The following LSAMP variants were observed in gnomAD, a reference collection of about 807,000 sequenced individuals.
The protein encoded by LSAMP is limbic system associated membrane protein.
A neutral mutation model predicts 38.6 loss-of-function variants in LSAMP; 7 were observed. The observed-to-expected ratio is 0.18, with a 90% CI of 0.10 to 0.34. LSAMP has a LOEUF of 0.34. LSAMP is among the 10% of genes least tolerant of loss of function. The pLI, the probability that LSAMP is intolerant of heterozygous loss-of-function variation, is 1.00. For synonymous variants in LSAMP, 154 were observed against 166.8 expected (o/e 0.92, Z 0.59); for missense variants, 313 against 420.0 (o/e 0.75, Z 2.23).
At chr3:116,318,754 TTAAG>T (rs1279776850) in intron 1 of LSAMP, among the ~76,000 whole-genome samples, 1 of 152,182 alleles carries the variant, frequency 6.6e-6, no homozygotes, top group African/African-American at 2.4e-5. Context: ...CAAGGCCTCT[TTAAG>T]TATTTTCTCT....
chr3:116,311,676 A>G (rs1483723551), intron 1 of LSAMP, among the ~76,000 whole-genome samples: 1 of 152,194 alleles, frequency 6.6e-6, no homozygotes, highest in Admixed American at 6.5e-5. Context: ...GAAATTATAA[A>G]ACTTTTGAGA....
At chr3:116,289,977 C>T (rs1383487270) in intron 1 of LSAMP, among the ~76,000 whole-genome samples, 1 of 152,148 alleles carries the variant, frequency 6.6e-6, no homozygotes, top group Non-Finnish European at 1.5e-5. Context: ...TGGATTTCCT[C>T]TATTTTCTCT....
intron 6 of LSAMP, among the ~76,000 whole-genome samples, chr3:115,836,831 A>T (rs1426944020): frequency 6.6e-6 from 1 of 152,100 alleles, no homozygotes; most frequent in Non-Finnish European, 1.5e-5. Context: ...GACCCAGGTT[A>T]GAGTGCAGTG....
intron 3 of LSAMP, among the ~76,000 whole-genome samples, chr3:115,968,601 T>C (rs75099126): frequency 0.022 from 3,285 of 152,224 alleles, 75 homozygotes; most frequent in African/African-American, 0.062. Context: ...TCTTCCCTCT[T>C]CTCTCCTCAA....
intron 2 of LSAMP, among the ~76,000 whole-genome samples, chr3:116,062,797 G>A (rs1941621222): frequency 6.6e-6 from 1 of 152,108 alleles, no homozygotes; most frequent in Admixed American, 6.5e-5. Context: ...TTTACTCACA[G>A]AGCCCAACTC....
At chr3:115,857,342 T>C (rs2107529589) in intron 3 of LSAMP, among the ~76,000 whole-genome samples, 1 of 152,324 alleles carries the variant, frequency 6.6e-6, no homozygotes, top group Admixed American at 6.5e-5. Flanking sequence ...CAGTTCTCTC[T>C]GACTGGCTGC....
intron 1 of LSAMP, among the ~76,000 whole-genome samples, chr3:116,187,861 G>A (rs1024582175): frequency 6.6e-6 from 1 of 151,880 alleles, no homozygotes; most frequent in Non-Finnish European, 1.5e-5. Flanking sequence ...TTGTGTCATG[G>A]GGGTTTGTTG....
intron 2 of LSAMP, among the ~76,000 whole-genome samples, chr3:116,042,473 A>G (rs1453237749): frequency 4.8e-5 from 7 of 145,022 alleles, no homozygotes; most frequent in African/African-American, 7.9e-5. Context: ...CTCTGTTGCC[A>G]GGCTGGAGTG....
intron 3 of LSAMP, among the ~76,000 whole-genome samples, chr3:115,949,390 T>A (rs555198926): frequency 6.7e-6 from 1 of 148,280 alleles, no homozygotes; most frequent in East Asian, 2.0e-4. Context: ...TTAAAAATAG[T>A]TTTTTTGTTT....
chr3:116,167,665 A>G (rs748432955), intron 1 of LSAMP, among the ~76,000 whole-genome samples: 2 of 152,244 alleles, frequency 1.3e-5, no homozygotes, highest in Non-Finnish European at 2.9e-5. Context: ...ATGTAAGTAG[A>G]GAATATAAGC....
At chr3:116,378,923 C>T (rs1028048660) in intron 1 of LSAMP, among the ~76,000 whole-genome samples, 1 of 151,052 alleles carries the variant, frequency 6.6e-6, no homozygotes, top group Non-Finnish European at 1.5e-5. Flanking sequence ...GAGTAAAGGG[C>T]AGAAGTAATG....
chr3:115,840,357 C>T (rs149115529), intron 6 of LSAMP, among the ~76,000 whole-genome samples: 3 of 152,154 alleles, frequency 2.0e-5, no homozygotes, highest in South Asian at 2.1e-4. Context: ...CCGCACCCCC[C>T]CTCTCCCGCT....
intron 1 of LSAMP, among the ~76,000 whole-genome samples, chr3:116,275,048 T>C (rs997345181): frequency 9.3e-5 from 14 of 150,228 alleles, no homozygotes; most frequent in Admixed American, 2.0e-4. Flanking sequence ...CACAAAGGAT[T>C]TAAAAATAAA....
chr3:116,134,895 T>C (rs1473110590), intron 1 of LSAMP, among the ~76,000 whole-genome samples: 1 of 152,190 alleles, frequency 6.6e-6, no homozygotes, highest in Non-Finnish European at 1.5e-5. Flanking sequence ...ATGAAATTAG[T>C]ACTTCTATGG....
chr3:115,937,952 T>G (rs1937766216), intron 3 of LSAMP, among the ~76,000 whole-genome samples: 1 of 152,188 alleles, frequency 6.6e-6, no homozygotes, highest in African/African-American at 2.4e-5. Flanking sequence ...TTGTGTGGAC[T>G]GTTGAAATAT....
At chr3:116,004,006 C>G (rs1940077179) in intron 3 of LSAMP, among the ~76,000 whole-genome samples, 1 of 152,126 alleles carries the variant, frequency 6.6e-6, no homozygotes, top group Non-Finnish European at 1.5e-5. Flanking sequence ...GTGCAGATGT[C>G]AAGATAGTTT....
chr3:116,107,715 G>A (rs1055416060), intron 1 of LSAMP, among the ~76,000 whole-genome samples: 10 of 152,324 alleles, frequency 6.6e-5, no homozygotes, highest in Middle Eastern at 3.4e-3. Context: ...AATTTGCTGA[G>A]CCTGATGGGT....
intron 1 of LSAMP, among the ~76,000 whole-genome samples, chr3:116,209,905 C>G (rs1220898091): frequency 6.6e-6 from 1 of 152,034 alleles, no homozygotes; most frequent in African/African-American, 2.4e-5. Flanking sequence ...CATCCGCCAC[C>G]TCGCCCGGCA....
chr3:115,982,740 T>C (rs1422985340), intron 3 of LSAMP, among the ~76,000 whole-genome samples: 1 of 152,092 alleles, frequency 6.6e-6, no homozygotes, highest in Non-Finnish European at 1.5e-5. Context: ...TTTCTCCTCT[T>C]TCTCTTTTTA....
Sources: gnomAD v4.1 joint callset for allele counts (sites outside exome capture counted in the v4.1 genomes callset) on GRCh38, gnomAD v4.1.1 for gene constraint, MANE v1.5 for transcripts, NCBI Gene and HGNC (gene_info 2026-07-23, HGNC 2026-07-21) for gene names.